The following ICA1 variants were observed in gnomAD, a reference collection of about 807,000 sequenced individuals.
The protein encoded by ICA1 is islet cell autoantigen 1.
Under a neutral mutation model 71.0 loss-of-function variants are expected in ICA1, and 40 were observed. The ratio of observed to expected loss-of-function variants is 0.56; its 90% CI spans 0.44 to 0.73. ICA1 has a LOEUF of 0.73. Ranked by LOEUF, ICA1 falls within the 30% of genes least tolerant of loss-of-function variation. The pLI is 0.00. For synonymous variants in ICA1, 207 were observed against 209.5 expected, an observed-to-expected ratio of 0.99 and a Z score of 0.10; for missense variants, 578 against 576.5, an observed-to-expected ratio of 1.00 and a Z score of -0.03.
chr7:8,146,271 C>T (rs1004003904), intron 8 of ICA1, among the ~76,000 whole-genome samples: 1 of 152,118 alleles, frequency 6.6e-6, no homozygotes, highest in Non-Finnish European at 1.5e-5. Flanking sequence ...GACATTTCAA[C>T]TAAGAGCTAA....
At chr7:8,129,378 A>T (rs59728847) in intron 12 of ICA1, among the ~76,000 whole-genome samples, 63,336 of 143,544 alleles carry the variant, frequency 0.44, 15,889 homozygotes, top group African/African-American at 0.74. Context: ...TTTTTTTTTA[A>T]AAAAAAAAAA....
Position 8,226,087 on chromosome 7 carries a change from T to C in ICA1, c.256+2514A>G, listed in dbSNP as rs540819303. Among the ~76,000 whole-genome samples, 101 of 152,280 alleles carry C rather than the reference T, an allele frequency of 6.6e-4. 1 individual carries two copies. The highest frequency in any genetic ancestry group is 6.6e-3 in the South Asian group (32 of 4,828). ...ATGCAATCAGGTTCATTTGCTACTGTTTGTATTCCATTTTAGATTTTCCCA... is the reference window on the plus strand; with the variant it reads ...ATGCAATCAGGTTCATTTGCTACTGCTTGTATTCCATTTTAGATTTTCCCA... On this transcript the variant is annotated intron_variant, in intron 4 of 13. Coordinates refer to ENST00000402384, the MANE Select transcript of ICA1 (RefSeq NM_001136020.3). The surrounding 1 kb of genome is among the most constrained non-coding windows in gnomAD (Gnocchi z 4.4).
In ICA1 at chr7:8,113,729, T is replaced by C. The variant is rs556686799; in HGVS notation, c.*194A>G. ...CAATCCTGTATTATTTAGATCCACA[T>C]AGAGATACACGAAAACCCTTTATAC... On this transcript the variant is annotated 3_prime_UTR_variant, in exon 14 of 14. Coordinates refer to ENST00000402384, the MANE Select transcript of ICA1 (RefSeq NM_001136020.3). The surrounding 1 kb of genome is among the most constrained non-coding windows in gnomAD (Gnocchi z 4.2). 3 of 567,420 alleles carry C rather than the reference T, an allele frequency of 5.3e-6. No individual in the cohort carries two copies. Among genetic ancestry groups the C allele is most frequent in the South Asian group, 2.1e-5 (1 of 47,278 alleles). 35.1% of individuals were successfully genotyped at this position (567,420 alleles called of 1,614,324 possible).
intron 6 of ICA1, among the ~76,000 whole-genome samples, chr7:8,164,079 C>T (rs1254454633): frequency 5.3e-5 from 8 of 151,682 alleles, no homozygotes; most frequent in Non-Finnish European, 7.4e-5. Flanking sequence ...CTGAGGTGGG[C>T]GGATCACCCG....
chr7:8,221,264 A>C lies in ICA1; in HGVS notation c.380+11T>G, dbSNP rs1796969512. On this transcript the variant is annotated intron_variant, in intron 5 of 13. Coordinates refer to ENST00000402384, the MANE Select transcript of ICA1 (RefSeq NM_001136020.3). ...ATCCCCCCAGATAGAACCCCACTAA[A>C]GGCCACACACCTTTGCTGGGAAGAA... is the stretch of plus-strand genomic sequence containing the variant. 6.2e-7 allele frequency: 1 copy of C among 1,613,182 alleles called. No individual in the cohort carries two copies. The highest frequency in any genetic ancestry group is 1.3e-5 in the African/African-American group (1 of 74,930).
chr7:8,232,862 T>C (rs1463144377), intron 2 of ICA1, 107 bp from the exon 3 acceptor site: 1 of 959,938 alleles, frequency 1.0e-6, no homozygotes, highest in Non-Finnish European at 1.5e-6. Context: ...CATTTACATT[T>C]ACAACATTGA....
chr7:8,158,713 G>T (rs571474175), intron 6 of ICA1, 61 bp from the exon 7 acceptor site: 12 of 1,547,044 alleles, frequency 7.8e-6, no homozygotes, highest in African/African-American at 1.4e-5. Context: ...AAATTTGCAG[G>T]TGAAATGAGA....
At chr7:8,137,872 CTG>C (rs1387282003) in intron 12 of ICA1, among the ~76,000 whole-genome samples, 1 of 152,216 alleles carries the variant, frequency 6.6e-6, no homozygotes, top group African/African-American at 2.4e-5. Context: ...CTTGCACACT[CTG>C]TAAATTAAAT....
chr7:8,124,704 C>T (rs1788461749), intron 13 of ICA1, among the ~76,000 whole-genome samples: 1 of 152,132 alleles, frequency 6.6e-6, no homozygotes, highest in Non-Finnish European at 1.5e-5. Context: ...TTTTTTCCTC[C>T]TATCATTTCA....
Position 8,123,874 on chromosome 7 carries a change from C to G in ICA1, c.1330+3999G>C, listed in dbSNP as rs977562493. On this transcript the variant is annotated intron_variant, in intron 13 of 13. Coordinates refer to ENST00000402384, the MANE Select transcript of ICA1 (RefSeq NM_001136020.3). This position sits in a 1 kb window ranked among gnomAD's most constrained non-coding sequence, Gnocchi z 4.1. ...ATTCTGGAGTCCGGCTGCCTGGGCT[C>G]AAAATCCGGCCTGCCCGTTAACAGG... Among the ~76,000 whole-genome samples the G allele has an allele frequency of 3.9e-5, 6 of 152,178 alleles. No individual in the cohort carries two copies. Among genetic ancestry groups the G allele is most frequent in the African/African-American group, 1.4e-4 (6 of 41,450 alleles).
chr7:8,204,013 C>T (rs1446078992), intron 6 of ICA1, among the ~76,000 whole-genome samples: 5 of 151,706 alleles, frequency 3.3e-5, no homozygotes, highest in East Asian at 1.9e-4. Flanking sequence ...AAATGTGAAA[C>T]GCCAAACCCA....
intron 13 of ICA1, among the ~76,000 whole-genome samples, chr7:8,114,572 T>G (rs1784191882): frequency 6.6e-6 from 1 of 152,186 alleles, no homozygotes; most frequent in African/African-American, 2.4e-5. Context: ...CCTTCTTCAA[T>G]CCTTTCCTGT....
rs61486906 is a variant in ICA1 at position 8,226,931 on chromosome 7, C to G, written c.256+1670G>C. Reference sequence around the variant, plus strand: ...TAGAAACACTAATATACGTAGGAAGCATAATTTCTGTTTAGAGAATCACTA... The same window carrying G: ...TAGAAACACTAATATACGTAGGAAGGATAATTTCTGTTTAGAGAATCACTA... On this transcript the variant is annotated intron_variant, in intron 4 of 13. Coordinates refer to ENST00000402384, the MANE Select transcript of ICA1 (RefSeq NM_001136020.3). This position sits in a 1 kb window ranked among gnomAD's most constrained non-coding sequence, Gnocchi z 4.4. 0.096 allele frequency among the ~76,000 whole-genome samples: 14,556 copies of G among 152,112 alleles called. 1,734 individuals are homozygous for G. Among genetic ancestry groups the G allele is most frequent in the African/African-American group, 0.29 (11,862 of 41,414 alleles).
At chr7:8,163,642 G>A (rs1461560475) in intron 6 of ICA1, among the ~76,000 whole-genome samples, 1 of 152,342 alleles carries the variant, frequency 6.6e-6, no homozygotes, top group Non-Finnish European at 1.5e-5. Flanking sequence ...AGGACATGGT[G>A]CTCAACCTCT....
chr7:8,246,184 A>G (rs1805932148), intron 1 of ICA1, among the ~76,000 whole-genome samples: 1 of 152,214 alleles, frequency 6.6e-6, no homozygotes, highest in African/African-American at 2.4e-5. Context: ...AAGTAACAAG[A>G]TGCTGATGGA....
intron 1 of ICA1, among the ~76,000 whole-genome samples, chr7:8,240,869 A>G (rs1803592412): frequency 6.6e-6 from 1 of 152,226 alleles, no homozygotes; most frequent in Non-Finnish European, 1.5e-5. Flanking sequence ...TAGAGAAAAA[A>G]GAGTAAAAAG....
rs184450126 is a variant in ICA1, at chr7:8,209,210, G to C, written c.579+9095C>G. Among the ~76,000 whole-genome samples, 22 of 152,278 alleles carry C rather than the reference G, an allele frequency of 1.4e-4. No homozygotes were observed. The East Asian group carries it at 4.1e-3, about 28-fold the overall frequency. On this transcript the variant is annotated intron_variant, in intron 6 of 13. Transcript: ENST00000402384. ...CAAGCTTTTCCCTTAAACAATTAGA[G>C]AAATGTCACATGGAAAGATTTAATG...
At chr7:8,166,281 G>C (rs550663943) in intron 6 of ICA1, among the ~76,000 whole-genome samples, 2 of 152,144 alleles carry the variant, frequency 1.3e-5, no homozygotes, top group East Asian at 3.9e-4. Flanking sequence ...GCATGGAACG[G>C]GTACAAAAAC....
rs531064808 is a variant in ICA1 at position 8,137,590 on chromosome 7, A to G, written c.1060+1250T>C. On this transcript the variant is annotated intron_variant, in intron 12 of 13. Coordinates refer to ENST00000402384, the MANE Select transcript of ICA1 (RefSeq NM_001136020.3). ...AAAATGTTTTACAAAAATGGACACC[A>G]TGTATGGCAATCTACATTAACTGCT... Among the ~76,000 whole-genome samples the G allele has an allele frequency of 3.3e-5, 5 of 152,376 alleles. No individual in the cohort carries two copies. In the South Asian group the frequency reaches 1.0e-3, roughly 32 times the overall value.
Sources: gnomAD v4.1 joint callset for allele counts (sites outside exome capture counted in the v4.1 genomes callset) on GRCh38, gnomAD v4.1.1 for gene constraint, Gnocchi (gnomAD v3.1) non-coding constraint, MANE v1.5 for transcripts, NCBI Gene and HGNC (gene_info 2026-07-23, HGNC 2026-07-21) for gene names.